Variants in CLIP2 observed in about 807,000 individuals in gnomAD.
CLIP2 encodes the protein CAP-Gly domain containing linker protein 2.
Under a neutral mutation model 111.7 loss-of-function variants are expected in CLIP2, and 41 were observed. That is an observed-to-expected ratio of 0.37 (90% confidence interval 0.29 to 0.48). The LOEUF is 0.48. CLIP2 is among the 20% of genes least tolerant of loss of function. CLIP2 has a pLI of 0.99. For synonymous variants in CLIP2, 660 were observed against 644.2 expected, an observed-to-expected ratio of 1.02 and a Z score of -0.37; for missense variants, 1,160 against 1,422.1, an observed-to-expected ratio of 0.82 and a Z score of 2.96.
At chr7:74,396,758 T>C (rs1222382988) in intron 13 of CLIP2, among the ~76,000 whole-genome samples, 2 of 152,148 alleles carry the variant, frequency 1.3e-5, no homozygotes, top group African/African-American at 4.8e-5. Flanking sequence ...TGACCTCAAA[T>C]GATCCGCCCA....
At chr7:74,357,907 C>T (rs1347640769) in intron 6 of CLIP2, among the ~76,000 whole-genome samples, 2 of 146,910 alleles carry the variant, frequency 1.4e-5, no homozygotes, top group Non-Finnish European at 3.0e-5. Flanking sequence ...CAGGCATGTG[C>T]CACCATGCCC....
At chr7:74,310,161 G>C (rs1001843726) in intron 1 of CLIP2, among the ~76,000 whole-genome samples, 1 of 148,908 alleles carries the variant, frequency 6.7e-6, no homozygotes, top group African/African-American at 2.5e-5. Flanking sequence ...CCAGGAGGTC[G>C]AGGCTGCAGT....
chr7:74,381,451 T>C, intron 11 of CLIP2: 1 of 338,216 alleles, frequency 3.0e-6, no homozygotes, highest in Non-Finnish European at 5.9e-6. Flanking sequence ...CCTCCCGAAG[T>C]GTTGGGATTA....
intron 1 of CLIP2, among the ~76,000 whole-genome samples, chr7:74,299,164 T>G (rs1788253147): frequency 6.6e-6 from 1 of 151,972 alleles, no homozygotes; most frequent in Admixed American, 6.6e-5. Context: ...AAACCCTGTC[T>G]CTATAAAAAA....
rs782709496 is a variant in CLIP2, at chr7:74,376,528, G to A, written c.2127G>A (p.Val709=). 6.2e-7 allele frequency: 1 copy of A among 1,603,042 alleles called. No homozygotes were observed. Among genetic ancestry groups the A allele is most frequent in the East Asian group, 2.3e-5 (1 of 44,418 alleles). ...GGCACTGGCGGGCCCAGCTGGAGGT[G>A]CAAGCCAGCCAGCACCGGCTGGAGC... is the stretch of plus-strand genomic sequence containing the variant. ...LQRHWRAQLE[V]QASQHRLELQ... Residue 709 remains valine, a synonymous_variant, in exon 10 of 17, where the codon GTG becomes GTA. Coordinates refer to ENST00000223398, the MANE Select transcript of CLIP2 (RefSeq NM_003388.5). The surrounding 1 kb of genome is among the most constrained non-coding windows in gnomAD (Gnocchi z 7.1).
intron 1 of CLIP2, among the ~76,000 whole-genome samples, chr7:74,316,686 C>T (rs982226644): frequency 4.6e-5 from 7 of 152,076 alleles, no homozygotes; most frequent in Middle Eastern, 6.8e-3. Context: ...CTCAACCTCC[C>T]GAGTAGCTGG....
intron 1 of CLIP2, among the ~76,000 whole-genome samples, chr7:74,296,571 T>C (rs229899): frequency 0.59 from 88,528 of 151,030 alleles, 28,905 homozygotes; most frequent in Non-Finnish European, 0.75. Flanking sequence ...AGGCAGATCA[T>C]GAGGTCAGGA....
Position 74,295,554 on chromosome 7 carries a change from T to C in CLIP2, c.-68+5820T>C, listed in dbSNP as rs562115361. On this transcript the variant is annotated intron_variant, in intron 1 of 16. Transcript: ENST00000223398. ...TGTTCCCTGCACAAATCCATTCATT[T>C]GTTTCTTTACTTTGCTCATGTTCAG... 9.8e-5 allele frequency among the ~76,000 whole-genome samples: 15 copies of C among 152,296 alleles called. No individual in the cohort carries two copies. In the East Asian group the frequency reaches 2.9e-3, roughly 29 times the overall value.
intron 15 of CLIP2, among the ~76,000 whole-genome samples, chr7:74,400,909 C>T (rs1299389429): frequency 6.9e-6 from 1 of 145,226 alleles, no homozygotes; most frequent in Admixed American, 6.9e-5. Context: ...GTCCCAGAAG[C>T]CCCCGGTCTG....
chr7:74,362,311 A>C (rs1025365837), intron 7 of CLIP2, among the ~76,000 whole-genome samples: 8 of 151,876 alleles, frequency 5.3e-5, no homozygotes, highest in Non-Finnish European at 1.0e-4. Flanking sequence ...CCCTGTCCCC[A>C]GGCAGCAGCC....
At chr7:74,296,831 G>T (rs1233492347) in intron 1 of CLIP2, among the ~76,000 whole-genome samples, 3 of 150,480 alleles carry the variant, frequency 2.0e-5, no homozygotes, top group Admixed American at 2.0e-4. Flanking sequence ...AACCAACCCT[G>T]CTGATACCTT....
intron 1 of CLIP2, among the ~76,000 whole-genome samples, chr7:74,292,082 C>T (rs1554725479): frequency 1.3e-5 from 2 of 152,084 alleles, no homozygotes; most frequent in Admixed American, 6.6e-5. Context: ...CCACCATGTC[C>T]GGCTAATTTT....
intron 13 of CLIP2, among the ~76,000 whole-genome samples, chr7:74,394,248 T>A (rs797028435): frequency 4.9e-5 from 7 of 144,242 alleles, no homozygotes; most frequent in African/African-American, 1.3e-4. Flanking sequence ...TCTTCTTATT[T>A]TTTTTTTTTT....
rs782158293 is a variant in CLIP2 at position 74,376,312 on chromosome 7, G to T, written c.1911G>T (p.Ser637=). The T allele has an allele frequency of 9.3e-6, 15 of 1,613,774 alleles. 1 individual carries two copies. The highest frequency in any genetic ancestry group is 1.6e-4 in the Middle Eastern group (1 of 6,080). The change falls in exon 10 of 17, where the codon TCG becomes TCT. Residue 637 remains serine (S), a synonymous_variant. Transcript: ENST00000223398. The surrounding 1 kb of genome is among the most constrained non-coding windows in gnomAD (Gnocchi z 7.1). ...AGGACCTCAAAGCCACCCTGAACTC[G>T]GGCCCAGGCGCCCAGCAGAAGGAGA... is the stretch of plus-strand genomic sequence containing the variant. ...SLEDLKATLN[S]GPGAQQKEIG...
chr7:74,334,364 C>A (rs563018614), intron 2 of CLIP2, among the ~76,000 whole-genome samples: 1 of 152,094 alleles, frequency 6.6e-6, no homozygotes, highest in East Asian at 1.9e-4. Context: ...AACAACTGGT[C>A]CCTGGGCCTG....
In CLIP2 at chr7:74,401,564, A is replaced by G; in HGVS notation, c.3126A>G (p.Gln1042=). The change falls in exon 16 of 17, where the codon CAA becomes CAG. Residue 1042 remains glutamine (Q), a synonymous_variant. Coordinates refer to ENST00000223398, the MANE Select transcript of CLIP2 (RefSeq NM_003388.5). ...GIHQQDKAQK[Q]EDKH ...ACCAGCAGGACAAAGCTCAGAAACA[A>G]GAGGTGAGGGGCGCCTCGGGCCTCC... 6.2e-7 allele frequency: 1 copy of G among 1,613,930 alleles called. No homozygotes were observed. Among genetic ancestry groups the G allele is most frequent in the Non-Finnish European group, 8.5e-7 (1 of 1,179,952 alleles).
rs188981872 is a variant in CLIP2 at position 74,347,552 on chromosome 7, G to A, written c.679-6328G>A. On this transcript the variant is annotated intron_variant, in intron 3 of 16. Transcript: ENST00000223398. ...CAAAGTGCTGGGATTACAGGCGTGA[G>A]CCACCGCGTCCGGCCAAACGCGCTG... is the stretch of plus-strand genomic sequence containing the variant. Among the ~76,000 whole-genome samples, 594 of 152,274 alleles carry A rather than the reference G, an allele frequency of 3.9e-3. 5 individuals carry two copies. The highest frequency in any genetic ancestry group is 7.0e-3 in the Admixed American group (107 of 15,284).
intron 2 of CLIP2, among the ~76,000 whole-genome samples, chr7:74,324,740 G>A (rs1353909660): frequency 1.3e-5 from 2 of 149,818 alleles, no homozygotes; most frequent in Admixed American, 1.3e-4. Flanking sequence ...GAGCAAAACC[G>A]AGTTGGCTGA....
At position 74,402,858 on chromosome 7, in the gene CLIP2, CCTCCTGGCCTTGTT is replaced by C. The variant is rs565553047; in HGVS notation, c.3130-969_3130-956del. 1.3e-3 allele frequency among the ~76,000 whole-genome samples: 205 copies of C among 152,160 alleles called. 2 individuals are homozygous for C. Among genetic ancestry groups the C allele is most frequent in the East Asian group, 3.1e-3 (16 of 5,168 alleles). On this transcript the variant is annotated intron_variant, in intron 16 of 16. Transcript: ENST00000223398. ...CTCAGAGGAGTTAGTGTGATTTTGT[CCTCCTGGCCTTGTT>C]CTCCTGGCCACCCTGCGAGACACAT...
Sources: gnomAD v4.1 joint callset for allele counts (sites outside exome capture counted in the v4.1 genomes callset) on GRCh38, gnomAD v4.1.1 for gene constraint, Gnocchi (gnomAD v3.1) non-coding constraint, MANE v1.5 for transcripts, NCBI Gene and HGNC (gene_info 2026-07-23, HGNC 2026-07-21) for gene names.